Variants in GSDME observed in about 807,000 individuals in gnomAD.
The protein encoded by GSDME is gasdermin E, also known as gasdermin-E.
A neutral mutation model predicts 47.5 loss-of-function variants in GSDME; 44 were observed. That is an observed-to-expected ratio of 0.93 (90% confidence interval 0.73 to 1.19). The LOEUF is 1.19. Ranked by LOEUF, GSDME falls within the 50% of genes most tolerant of loss-of-function variation. GSDME has a pLI of 0.00. For missense variants in GSDME, 663 were observed against 604.2 expected (o/e 1.10, Z -1.02); for synonymous variants, 258 against 252.8 (o/e 1.02, Z -0.20).
chr7:24,745,405 TTCCCTTC>T lies in GSDME; in HGVS notation c.212-658_212-652del, dbSNP rs1790638488. On this transcript the variant is annotated intron_variant, in intron 2 of 9. Coordinates refer to ENST00000645220, the MANE Select transcript of GSDME (RefSeq NM_001127453.2). The surrounding 1 kb of genome is among the most constrained non-coding windows in gnomAD (Gnocchi z 4.4). ...CTTATTACCATCTCCAGTCAAATTATTCCCTTCCCATATTTATGATTCTCTCTCTGAC... is the reference window on the plus strand; with the variant it reads ...CTTATTACCATCTCCAGTCAAATTATCCATATTTATGATTCTCTCTCTGAC... Among the ~76,000 whole-genome samples the T allele has an allele frequency of 6.6e-6, 1 of 152,142 alleles. No individual in the cohort carries two copies. Among genetic ancestry groups the T allele is most frequent in the Non-Finnish European group, 1.5e-5 (1 of 68,008 alleles).
At chr7:24,770,815 C>G in the GSDME span, among the ~76,000 whole-genome samples, 4 of 151,044 alleles carry the variant, frequency 2.6e-5, no homozygotes, top group Admixed American at 2.0e-4. This position sits in a 1 kb window ranked among gnomAD's most constrained non-coding sequence, Gnocchi z 4.6. Context: ...AAGAAATCCT[C>G]TGAGCTTGAG....
At chr7:24,707,240 CATAAT>C (rs1324924492) in intron 7 of GSDME, 2 of 462,882 alleles carry the variant, frequency 4.3e-6, no homozygotes, top group East Asian at 7.0e-5. Flanking sequence ...AAACTCCCTG[CATAAT>C]ATAATAGAAA....
In GSDME at chr7:24,726,551, C is replaced by T. The variant is rs1235264015; in HGVS notation, c.405-7333G>A. Among the ~76,000 whole-genome samples the T allele has an allele frequency of 1.3e-5, 2 of 152,158 alleles. No individual in the cohort carries two copies. The highest frequency in any genetic ancestry group is 2.9e-5 in the Non-Finnish European group (2 of 68,030). ...GATAGTAACAATGGTAGGCCGGGCG[C>T]GGTGGCTCACGCCTGTTATCCCAGC... On this transcript the variant is annotated intron_variant, in intron 3 of 9. Transcript: ENST00000645220. The surrounding 1 kb of genome is among the most constrained non-coding windows in gnomAD (Gnocchi z 5.6).
chr7:24,763,169 C>T, the GSDME span, among the ~76,000 whole-genome samples: 1 of 152,224 alleles, frequency 6.6e-6, no homozygotes, highest in Middle Eastern at 3.4e-3. The surrounding 1 kb of genome is among the most constrained non-coding windows in gnomAD (Gnocchi z 4.3). Flanking sequence ...CATCACATAG[C>T]GGCCATAACA....
chr7:24,788,355 G>A, the GSDME span, among the ~76,000 whole-genome samples: 2 of 151,904 alleles, frequency 1.3e-5, no homozygotes, highest in South Asian at 2.1e-4. This position sits in a 1 kb window ranked among gnomAD's most constrained non-coding sequence, Gnocchi z 4.6. Flanking sequence ...GGCAGACGCC[G>A]CATGTCTCTC....
the GSDME span, among the ~76,000 whole-genome samples, chr7:24,779,937 G>A: frequency 3.3e-5 from 5 of 152,306 alleles, no homozygotes; most frequent in South Asian, 8.3e-4. This position sits in a 1 kb window ranked among gnomAD's most constrained non-coding sequence, Gnocchi z 6.0. Flanking sequence ...TTTATCCCAC[G>A]CCCATTCTGA....
intron 3 of GSDME, among the ~76,000 whole-genome samples, chr7:24,722,414 A>G (rs1789824063): frequency 6.6e-6 from 1 of 152,168 alleles, no homozygotes; most frequent in South Asian, 2.1e-4. Context: ...AAGCCATTGT[A>G]ACCACCGGTC....
intron 3 of GSDME, among the ~76,000 whole-genome samples, chr7:24,743,531 T>A (rs1016549914): frequency 3.9e-5 from 6 of 152,170 alleles, no homozygotes. Flanking sequence ...TTCTAAAAAA[T>A]ACATCAGATT....
chr7:24,771,166 A>G, the GSDME span, among the ~76,000 whole-genome samples: 22 of 152,350 alleles, frequency 1.4e-4, no homozygotes, highest in Admixed American at 5.9e-4. The surrounding 1 kb of genome is among the most constrained non-coding windows in gnomAD (Gnocchi z 4.1). Flanking sequence ...AAGGCATGTC[A>G]GGTAACTGTA....
intron 3 of GSDME, among the ~76,000 whole-genome samples, chr7:24,729,290 C>T (rs1213795094): frequency 1.3e-5 from 2 of 152,230 alleles, no homozygotes; most frequent in African/African-American, 4.8e-5. Context: ...GTTTAGTGAA[C>T]TTGGTTTTAA....
At position 24,742,323 on chromosome 7, in the gene GSDME, C is replaced by G. The variant is rs2128062195; in HGVS notation, c.404+2239G>C. Among the ~76,000 whole-genome samples the G allele has an allele frequency of 6.6e-6, 1 of 152,296 alleles. No individual in the cohort carries two copies. Among genetic ancestry groups the G allele is most frequent in the East Asian group, 1.9e-4 (1 of 5,182 alleles). On this transcript the variant is annotated intron_variant, in intron 3 of 9. Transcript: ENST00000645220. This position sits in a 1 kb window ranked among gnomAD's most constrained non-coding sequence, Gnocchi z 4.4. The stretch of plus-strand genomic sequence containing the variant: ...CCAGCACCAGCATCCAAATTGAGCT[C>G]TGTGTCTGGGAATAAGTTATTTCTC...
intron 5 of GSDME, among the ~76,000 whole-genome samples, chr7:24,711,743 AG>A (rs1789362405): frequency 6.9e-6 from 1 of 144,310 alleles, no homozygotes; most frequent in Admixed American, 7.3e-5. Context: ...TAAGCCCTGG[AG>A]GCGGAGGTTG....
intron 7 of GSDME, chr7:24,707,541 A>G (rs1789164025): frequency 2.5e-6 from 1 of 402,758 alleles, no homozygotes; most frequent in Admixed American, 3.1e-5. Context: ...TGGCCCACCA[A>G]CATATGTTAC....
At chr7:24,782,150 T>C in the GSDME span, among the ~76,000 whole-genome samples, 3 of 152,180 alleles carry the variant, frequency 2.0e-5, no homozygotes, top group South Asian at 2.1e-4. Flanking sequence ...ATGTGCCATG[T>C]TGGTGTGCTG....
chr7:24,699,218 G>T lies in GSDME; in HGVS notation c.1299C>A (p.Asp433Glu), dbSNP rs1788760207. Residue 433 changes from aspartate (D) to glutamate (E), a missense_variant, in exon 10 of 10, where the codon GAC becomes GAA. Physicochemically the swap from Asp to Glu is conservative, Grantham distance 45. Coordinates refer to ENST00000645220, the MANE Select transcript of GSDME (RefSeq NM_001127453.2). ...TATCTTTCAGGGGAGTCAAGGTTGG[G>T]TCTTCAAGATCAGATACTCCATCAT... is the stretch of plus-strand genomic sequence containing the variant. ...LSDDGVSDLE[D>E]PTLTPLKDTE... 6.2e-7 allele frequency: 1 copy of T among 1,614,138 alleles called. No homozygotes were observed. The highest frequency in any genetic ancestry group is 8.5e-7 in the Non-Finnish European group (1 of 1,180,018).
In GSDME at chr7:24,739,157, T is replaced by G. The variant is rs1038047445; in HGVS notation, c.404+5405A>C. Among the ~76,000 whole-genome samples, 1 of 152,154 alleles carries G rather than the reference T, an allele frequency of 6.6e-6. No individual in the cohort carries two copies. Among genetic ancestry groups the G allele is most frequent in the African/African-American group, 2.4e-5 (1 of 41,430 alleles). On this transcript the variant is annotated intron_variant, in intron 3 of 9. Coordinates refer to ENST00000645220, the MANE Select transcript of GSDME (RefSeq NM_001127453.2). The surrounding 1 kb of genome is among the most constrained non-coding windows in gnomAD (Gnocchi z 5.1). ...GGAATCATATCAAGTTAAAGACTTC[T>G]GCACAGCAATGAAACAACAAAATGA...
Position 24,744,651 on chromosome 7 carries a change from G to GC in GSDME, c.314dup (p.Ser106GlnfsTer48), listed in dbSNP as rs755613828. The GC allele has an allele frequency of 1.4e-5, 23 of 1,614,030 alleles. No individual in the cohort carries two copies. In the Admixed American group the frequency reaches 3.5e-4, roughly 25 times the overall value. ...AAGACTGGCTCTCTACGCGGCTGCT[G>GC]CCCCCCAGGTTCAGCTTGACCTTCC... On this transcript the variant is annotated frameshift_variant, in exon 3 of 10. Coordinates refer to ENST00000645220, the MANE Select transcript of GSDME (RefSeq NM_001127453.2). LOFTEE classifies it high-confidence loss of function. The surrounding 1 kb of genome is among the most constrained non-coding windows in gnomAD (Gnocchi z 4.5).
upstream of GSDME, among the ~76,000 whole-genome samples, chr7:24,759,125 G>A (rs1328031688): frequency 2.6e-5 from 4 of 152,206 alleles, no homozygotes; most frequent in Non-Finnish European, 5.9e-5. Flanking sequence ...TTGGACGAAA[G>A]AAAGAATCCC....
At position 24,742,121 on chromosome 7, in the gene GSDME, C is replaced by A. The variant is rs549744318; in HGVS notation, c.404+2441G>T. Among the ~76,000 whole-genome samples the A allele has an allele frequency of 3.0e-4, 46 of 152,330 alleles. 1 individual carries two copies. The highest frequency in any genetic ancestry group is 3.4e-3 in the Middle Eastern group (1 of 294). On this transcript the variant is annotated intron_variant, in intron 3 of 9. Transcript: ENST00000645220. This position sits in a 1 kb window ranked among gnomAD's most constrained non-coding sequence, Gnocchi z 4.4. ...GGCACCTCCAGGAGAGCAGGCCTCG[C>A]TATGCACATGTGCCTGCTCAGGATA... is the stretch of plus-strand genomic sequence containing the variant.
Sources: gnomAD v4.1 joint callset for allele counts (sites outside exome capture counted in the v4.1 genomes callset) on GRCh38, gnomAD v4.1.1 for gene constraint, Gnocchi (gnomAD v3.1) non-coding constraint, MANE v1.5 for transcripts, NCBI Gene and HGNC (gene_info 2026-07-23, HGNC 2026-07-21) for gene names.